The following ARHGEF4 variants were observed in gnomAD, a reference collection of about 807,000 sequenced individuals.
ARHGEF4 encodes APC-stimulated guanine nucleotide exchange factor 1.
ARHGEF4 carries 119 observed loss-of-function variants against 162.0 expected under a neutral mutation model. That is an observed-to-expected ratio of 0.73 (90% CI 0.63 to 0.86). ARHGEF4 has a LOEUF of 0.86. ARHGEF4 is among the 40% of genes least tolerant of loss of function. ARHGEF4 has a pLI of 0.00. For missense variants in ARHGEF4, 2,488 were observed against 2,456.0 expected, an observed-to-expected ratio of 1.01 and a Z score of -0.28; for synonymous variants, 1,014 against 979.9, an observed-to-expected ratio of 1.03 and a Z score of -0.65.
At chr2:130,968,050 C>T (rs752021188) in intron 4 of ARHGEF4, among the ~76,000 whole-genome samples, 2 of 152,186 alleles carry the variant, frequency 1.3e-5, no homozygotes, top group Non-Finnish European at 2.9e-5. Flanking sequence ...CTTAGTTGCT[C>T]AGTCTCTAGC....
At chr2:130,991,468 AG>A (rs1457857149) in intron 4 of ARHGEF4, among the ~76,000 whole-genome samples, 1 of 152,136 alleles carries the variant, frequency 6.6e-6, no homozygotes, top group Non-Finnish European at 1.5e-5. Flanking sequence ...AGCGGGAACC[AG>A]GGCTGTGTGC....
chr2:130,890,474 ATTGC>A (rs1679796351), intron 1 of ARHGEF4, among the ~76,000 whole-genome samples: 1 of 151,996 alleles, frequency 6.6e-6, no homozygotes, highest in African/African-American at 2.4e-5. Context: ...AGGCAGGAGA[ATTGC>A]TTGAAACCGG....
chr2:130,844,506 G>A (rs1680817096), intron 1 of ARHGEF4, among the ~76,000 whole-genome samples: 1 of 152,190 alleles, frequency 6.6e-6, no homozygotes, highest in African/African-American at 2.4e-5. Context: ...CACAGGGGTC[G>A]ATTTGTCTCT....
Position 130,917,129 on chromosome 2 carries a change from C to G in ARHGEF4, c.3183C>G (p.Ala1061=). The G allele has an allele frequency of 6.4e-7, 1 of 1,550,482 alleles. No individual in the cohort carries two copies. Among genetic ancestry groups the G allele is most frequent in the Admixed American group, 2.0e-5 (1 of 51,000 alleles). ...TGGCGTCCCCCGGCAGCCCTCGGGC[C>G]CAGCAGGCTGGAATCGCACACACCC... ...SWLASPGSPR[A]QQAGIAHTLP... Residue 1061 remains alanine (A), a synonymous_variant, in exon 2 of 14, where the codon GCC becomes GCG. Transcript: ENST00000409359.
At chr2:130,999,736 CTT>C (rs1320322415) in intron 4 of ARHGEF4, among the ~76,000 whole-genome samples, 2 of 151,516 alleles carry the variant, frequency 1.3e-5, no homozygotes, top group Non-Finnish European at 2.9e-5. Flanking sequence ...GAGTTTTGCT[CTT>C]GTCGCCCAGG....
Position 130,880,822 on chromosome 2 carries a change from C to T in ARHGEF4, c.40-33164C>T, listed in dbSNP as rs561536335. ...AGTGCTGGGATTACAGGTGTGAGCA[C>T]CCGGCCAAATTTTTTTTTTTTTTTT... On this transcript the variant is annotated intron_variant, in intron 1 of 13. Transcript: ENST00000409359. 2.2e-3 allele frequency among the ~76,000 whole-genome samples: 337 copies of T among 151,346 alleles called. 1 individual carries two copies. The highest frequency in any genetic ancestry group is 8.6e-3 in the South Asian group (41 of 4,762).
intron 4 of ARHGEF4, among the ~76,000 whole-genome samples, chr2:131,022,814 T>C (rs1057379550): frequency 6.6e-6 from 1 of 151,826 alleles, no homozygotes; most frequent in Non-Finnish European, 1.5e-5. Flanking sequence ...AAAGGAAAAT[T>C]TGAGAAATTG....
intron 1 of ARHGEF4, among the ~76,000 whole-genome samples, chr2:130,911,929 T>C (rs1247732185): frequency 6.6e-6 from 1 of 152,214 alleles, no homozygotes; most frequent in African/African-American, 2.4e-5. Context: ...TGTCTGCTCA[T>C]GTAAGCAATG....
At chr2:131,029,096 C>T (rs182166672) in intron 5 of ARHGEF4, among the ~76,000 whole-genome samples, 3,480 of 152,156 alleles carry the variant, frequency 0.023, 129 homozygotes, top group African/African-American at 0.079. Flanking sequence ...CATGGTGGCT[C>T]ACGCCTATAA....
chr2:130,977,804 G>A (rs1399407008), intron 4 of ARHGEF4, among the ~76,000 whole-genome samples: 1 of 152,066 alleles, frequency 6.6e-6, no homozygotes, highest in African/African-American at 2.4e-5. Context: ...CCAGGGGTTT[G>A]GTCTAGGTTC....
intron 5 of ARHGEF4, among the ~76,000 whole-genome samples, chr2:131,032,104 C>A (rs1313905658): frequency 1.3e-5 from 2 of 152,110 alleles, no homozygotes; most frequent in Non-Finnish European, 2.9e-5. Context: ...CTGCTTCTGC[C>A]CCACCTCATG....
At chr2:130,925,740 C>T (rs1682203972) in intron 2 of ARHGEF4, among the ~76,000 whole-genome samples, 1 of 152,138 alleles carries the variant, frequency 6.6e-6, no homozygotes, top group African/African-American at 2.4e-5. Flanking sequence ...TCACTGCTCT[C>T]AATATTTTTT....
chr2:130,953,981 G>A (rs1248726052), intron 4 of ARHGEF4, among the ~76,000 whole-genome samples: 1 of 152,324 alleles, frequency 6.6e-6, no homozygotes, highest in East Asian at 1.9e-4. Flanking sequence ...CAACCATTGT[G>A]GAAGACAGTG....
intron 1 of ARHGEF4, among the ~76,000 whole-genome samples, chr2:130,904,072 T>C (rs1372581733): frequency 6.6e-6 from 1 of 152,224 alleles, no homozygotes; most frequent in Non-Finnish European, 1.5e-5. Flanking sequence ...GGTTCTATTT[T>C]TAGTTGTTTG....
intron 5 of ARHGEF4, chr2:131,035,788 T>C: frequency 1.0e-6 from 1 of 985,400 alleles, no homozygotes; most frequent in Non-Finnish European, 1.2e-6. Context: ...CCCCCACCCC[T>C]GCTGCACAAA....
intron 1 of ARHGEF4, among the ~76,000 whole-genome samples, chr2:130,865,598 C>G (rs908915595): frequency 3.9e-5 from 6 of 152,216 alleles, no homozygotes; most frequent in African/African-American, 1.4e-4. Flanking sequence ...ATCACACACT[C>G]AGGACCCCCT....
At chr2:130,864,324 A>G (rs1419168589) in intron 1 of ARHGEF4, among the ~76,000 whole-genome samples, 3 of 152,232 alleles carry the variant, frequency 2.0e-5, no homozygotes, top group African/African-American at 7.2e-5. Flanking sequence ...TTTATAGGAA[A>G]TACCCAGGAT....
At chr2:131,029,918 A>AC (rs773933690) in intron 5 of ARHGEF4, among the ~76,000 whole-genome samples, 67 of 151,984 alleles carry the variant, frequency 4.4e-4, no homozygotes, top group Non-Finnish European at 6.9e-4. Context: ...CAGCAGGGGG[A>AC]CCCCGAGGGG....
At chr2:130,907,824 C>T (rs1409772092) in intron 1 of ARHGEF4, among the ~76,000 whole-genome samples, 2 of 151,896 alleles carry the variant, frequency 1.3e-5, no homozygotes, top group East Asian at 2.0e-4. Flanking sequence ...GGCGTGGTGG[C>T]ATGCACCTAT....
Sources: gnomAD v4.1 joint callset for allele counts (sites outside exome capture counted in the v4.1 genomes callset) on GRCh38, gnomAD v4.1.1 for gene constraint, MANE v1.5 for transcripts, NCBI Gene and HGNC (gene_info 2026-07-23, HGNC 2026-07-21) for gene names.